Variants in ERCC8 observed in about 807,000 individuals in gnomAD.
ERCC8 encodes ERCC excision repair 8, CSA ubiquitin ligase complex subunit.
Under a neutral mutation model 54.9 loss-of-function variants are expected in ERCC8, and 52 were observed. That is an observed-to-expected ratio of 0.95 (90% confidence interval 0.76 to 1.19). The LOEUF (loss-of-function observed/expected upper bound fraction) is 1.19, where lower values mean the gene tolerates loss of function less well. ERCC8 is among the 50% of genes most tolerant of loss of function. The pLI is 0.00. For synonymous variants in ERCC8, 146 were observed against 157.2 expected, an observed-to-expected ratio of 0.93 and a Z score of 0.53; for missense variants, 514 against 466.1, an observed-to-expected ratio of 1.10 and a Z score of -0.95.
At chr5:60,907,188 A>T (rs568770773) in intron 4 of ERCC8, 2 of 152,174 alleles carry the variant, frequency 1.3e-5, no homozygotes, top group Non-Finnish European at 2.9e-5. Context: ...TCTTCTCCAC[A>T]AATATACCAA....
chr5:60,868,580 A>T lies in ERCC8; in HGVS notation c.*6035T>A, dbSNP rs1293215452. Among the ~76,000 whole-genome samples, 1 of 152,234 alleles carries T rather than the reference A, an allele frequency of 6.6e-6. No homozygotes were observed. The highest frequency in any genetic ancestry group is 1.5e-5 in the Non-Finnish European group (1 of 68,034). Reference sequence around the variant, plus strand: ...ACTTTTAATAAAAACAAAAAACAAGAAGCCACATGGCAGCAAAAGAAGTAT... The same window carrying T: ...ACTTTTAATAAAAACAAAAAACAAGTAGCCACATGGCAGCAAAAGAAGTAT... On this transcript the variant is annotated 3_prime_UTR_variant, in exon 12 of 12. Transcript: ENST00000676185.
At chr5:60,890,752 C>G in intron 10 of ERCC8, 137 bp downstream of exon 10, 1 of 691,726 alleles carries the variant, frequency 1.4e-6, no homozygotes, top group East Asian at 2.7e-5. Context: ...CTGTGCTATT[C>G]TCTATTAAAT....
chr5:60,918,210 G>A (rs1389380284), intron 4 of ERCC8, 55 bp downstream of exon 4: 1 of 1,361,646 alleles, frequency 7.3e-7, no homozygotes, highest in Non-Finnish European at 1.0e-6. Context: ...AATGGTTTAG[G>A]ATTAAATTCT....
At chr5:60,943,797 A>C (rs1412297697) in intron 1 of ERCC8, among the ~76,000 whole-genome samples, 2 of 152,238 alleles carry the variant, frequency 1.3e-5, no homozygotes, top group South Asian at 4.1e-4. Flanking sequence ...GAAATCAGTG[A>C]AGGTGAACTT....
intron 1 of ERCC8, among the ~76,000 whole-genome samples, chr5:60,937,308 AG>A (rs2112543767): frequency 6.6e-6 from 1 of 152,336 alleles, no homozygotes; most frequent in African/African-American, 2.4e-5. Flanking sequence ...TAGTATAGAA[AG>A]GATACATGCT....
intron 8 of ERCC8, among the ~76,000 whole-genome samples, chr5:60,898,794 T>TG (rs750784813): frequency 9.3e-4 from 39 of 42,102 alleles, no homozygotes; most frequent in African/African-American, 2.2e-3. Context: ...TGTTTTCCAT[T>TG]GAAAAAAAAA....
At chr5:60,903,597 T>C (rs1363423472) in intron 6 of ERCC8, 51 bp downstream of exon 6, 2 of 1,609,562 alleles carry the variant, frequency 1.2e-6, no homozygotes, top group South Asian at 1.1e-5. Flanking sequence ...CGTTTCTTTT[T>C]ATTGAATCGT....
chr5:60,880,275 C>G (rs907987759), intron 11 of ERCC8, among the ~76,000 whole-genome samples: 15 of 152,318 alleles, frequency 9.8e-5, no homozygotes, highest in Middle Eastern at 3.4e-3. Context: ...GTAACCCGAC[C>G]TTTCTCTCTG....
chr5:60,876,531 T>C (rs1392552122), intron 11 of ERCC8, among the ~76,000 whole-genome samples: 1 of 152,204 alleles, frequency 6.6e-6, no homozygotes, highest in Non-Finnish European at 1.5e-5. Context: ...CCACATCCTC[T>C]CCAGCACCTG....
chr5:60,922,273 TAA>T (rs1749623483), intron 2 of ERCC8, 118 bp from the exon 3 acceptor site: 2 of 623,752 alleles, frequency 3.2e-6, no homozygotes, highest in South Asian at 4.1e-5. Context: ...AAGGATACAT[TAA>T]TTTATAATAA....
chr5:60,935,853 T>C (rs1032748017), intron 1 of ERCC8, among the ~76,000 whole-genome samples: 1 of 152,218 alleles, frequency 6.6e-6, no homozygotes, highest in African/African-American at 2.4e-5. Context: ...TGGACTTGCA[T>C]ATGTTAAACC....
At chr5:60,925,136 A>G (rs1749709050) in intron 2 of ERCC8, among the ~76,000 whole-genome samples, 1 of 152,142 alleles carries the variant, frequency 6.6e-6, no homozygotes, top group African/African-American at 2.4e-5. Context: ...AATTTTCTTA[A>G]CCTTTTAGAA....
At chr5:60,933,190 T>A (rs1174017608) in intron 1 of ERCC8, among the ~76,000 whole-genome samples, 1 of 151,290 alleles carries the variant, frequency 6.6e-6, no homozygotes, top group Non-Finnish European at 1.5e-5. Context: ...TATGTATATC[T>A]ATGTATGCAT....
intron 11 of ERCC8, among the ~76,000 whole-genome samples, chr5:60,882,781 G>A (rs1395002790): frequency 1.3e-5 from 2 of 152,216 alleles, no homozygotes; most frequent in South Asian, 2.1e-4. Flanking sequence ...TGTTCATTTT[G>A]TCTTTCATCC....
At chr5:60,890,706 T>A (rs1453540577) in intron 10 of ERCC8, among the ~76,000 whole-genome samples, 183 bp downstream of exon 10, 1 of 152,238 alleles carries the variant, frequency 6.6e-6, no homozygotes, top group African/African-American at 2.4e-5. Flanking sequence ...ATTATATTGA[T>A]TCATTCATAC....
chr5:60,938,349 A>ATTTTTTTTTTT (rs1561519358), intron 1 of ERCC8, among the ~76,000 whole-genome samples: 2 of 108,768 alleles, frequency 1.8e-5, no homozygotes, highest in Admixed American at 1.1e-4. Context: ...TACCTTTTTG[A>ATTTTTTTTTTT]ATTTTTTTTT....
At chr5:60,934,713 T>C (rs1423841401) in intron 1 of ERCC8, among the ~76,000 whole-genome samples, 1 of 152,252 alleles carries the variant, frequency 6.6e-6, no homozygotes, top group East Asian at 1.9e-4. Context: ...GATTTAAGTC[T>C]CTGATCCATC....
chr5:60,892,481 G>T, intron 9 of ERCC8: 1 of 572,452 alleles, frequency 1.7e-6, no homozygotes, highest in Admixed American at 2.0e-5. Flanking sequence ...GTCTATAGAA[G>T]CTGATCTTCC....
At chr5:60,934,309 T>C (rs1750000921) in intron 1 of ERCC8, among the ~76,000 whole-genome samples, 1 of 152,214 alleles carries the variant, frequency 6.6e-6, no homozygotes. Flanking sequence ...CACATTGTGG[T>C]TTTGATTTGC....
Sources: allele counts gnomAD v4.1 joint callset (sites outside exome capture counted in the v4.1 genomes callset), GRCh38; gene constraint gnomAD v4.1.1; transcripts MANE v1.5; gene names NCBI Gene and HGNC (gene_info 2026-07-23, HGNC 2026-07-21).